PTPRG: variants seen among roughly 807,000 people sequenced by gnomAD.
PTPRG encodes the protein receptor-type tyrosine-protein phosphatase gamma.
A neutral mutation model predicts 165.3 loss-of-function variants in PTPRG; 102 were observed. The observed-to-expected ratio is 0.62, with a 90% confidence interval of 0.53 to 0.73. The LOEUF is 0.73. Ranked by LOEUF, PTPRG falls within the 30% of genes least tolerant of loss-of-function variation. The pLI is 0.00. For missense variants in PTPRG, 1,866 were observed against 1,861.4 expected (o/e 1.00, Z -0.05); for synonymous variants, 675 against 669.5 (o/e 1.01, Z -0.13).
rs201420862 is a variant in PTPRG, at chr3:61,858,847, GA to G, written c.190+109866del. On this transcript the variant is annotated intron_variant, in intron 2 of 29. Coordinates refer to ENST00000474889, the MANE Select transcript of PTPRG (RefSeq NM_002841.4). ...TTAAAGATTATAACCATGGTGCTTA[GA>G]GCTAGCATAAGAGACTAGTTTATTA... 3.2e-3 allele frequency among the ~76,000 whole-genome samples: 485 copies of G among 152,262 alleles called. 1 individual carries two copies. Among genetic ancestry groups the G allele is most frequent in the African/African-American group, 0.011 (456 of 41,566 alleles).
chr3:62,083,696 C>A (rs1345825372), intron 5 of PTPRG, among the ~76,000 whole-genome samples: 1 of 152,136 alleles, frequency 6.6e-6, no homozygotes, highest in African/African-American at 2.4e-5. Context: ...TAGTCCTGTT[C>A]TTTTGAGGCC....
intron 1 of PTPRG, among the ~76,000 whole-genome samples, chr3:61,632,616 A>G (rs1489123862): frequency 6.6e-6 from 1 of 152,192 alleles, no homozygotes; most frequent in African/African-American, 2.4e-5. Flanking sequence ...CAAGTACATC[A>G]TCTGCTAGTT....
At chr3:62,105,016 A>G (rs1050666031) in intron 5 of PTPRG, among the ~76,000 whole-genome samples, 1 of 152,200 alleles carries the variant, frequency 6.6e-6, no homozygotes, top group African/African-American at 2.4e-5. Flanking sequence ...TTATTATACA[A>G]TAAAGAAATC....
At chr3:61,763,722 T>C (rs989722029) in intron 2 of PTPRG, among the ~76,000 whole-genome samples, 12 of 152,076 alleles carry the variant, frequency 7.9e-5, no homozygotes, top group Non-Finnish European at 1.5e-4. Context: ...TAAAGGAAAA[T>C]GTTCTAGGAA....
chr3:61,648,098 G>C (rs771677759), intron 1 of PTPRG, among the ~76,000 whole-genome samples: 1 of 152,170 alleles, frequency 6.6e-6, no homozygotes, highest in Non-Finnish European at 1.5e-5. Context: ...GATTAAACCA[G>C]TCCTATGCAT....
chr3:62,218,930 A>T lies in PTPRG; in HGVS notation c.2235A>T (p.Ser745=), dbSNP rs1035737603. ...MEWIIPLIVV[S]ALTFVCLILL... ...GGATCATCCCTCTGATTGTGGTATC[A>T]GCCTTGACCTTCGTGTGCCTCATCC... Residue 745 remains serine (S), a synonymous_variant, in exon 13 of 30, where the codon TCA becomes TCT. Transcript: ENST00000474889. 6.2e-7 allele frequency: 1 copy of T among 1,614,032 alleles called. No individual in the cohort carries two copies. The highest frequency in any genetic ancestry group is 8.5e-7 in the Non-Finnish European group (1 of 1,180,012).
intron 2 of PTPRG, among the ~76,000 whole-genome samples, chr3:61,934,536 C>T (rs1167482463): frequency 1.3e-5 from 2 of 152,056 alleles, no homozygotes; most frequent in Admixed American, 1.3e-4. Context: ...TGAGTTGATC[C>T]TGACTACGCC....
At chr3:61,836,008 C>A (rs1056688701) in intron 2 of PTPRG, among the ~76,000 whole-genome samples, 3 of 151,432 alleles carry the variant, frequency 2.0e-5, no homozygotes, top group Admixed American at 6.6e-5. Context: ...CCATTGCACT[C>A]CAGCCTGGGC....
chr3:62,294,691 G>A lies in PTPRG; in HGVS notation c.*1384G>A, dbSNP rs1703005256. On this transcript the variant is annotated 3_prime_UTR_variant, in exon 30 of 30. Coordinates refer to ENST00000474889, the MANE Select transcript of PTPRG (RefSeq NM_002841.4). Reference sequence around the variant, plus strand: ...TCAGTAGTGTTTGTAAGGAAAATAAGCTACTTACTGAGATCTGTTTCTTCT... The same window carrying A: ...TCAGTAGTGTTTGTAAGGAAAATAAACTACTTACTGAGATCTGTTTCTTCT... The A allele has an allele frequency of 6.6e-6, 1 of 152,108 alleles. No individual in the cohort carries two copies. Among genetic ancestry groups the A allele is most frequent in the Non-Finnish European group, 1.5e-5 (1 of 68,008 alleles). 9.4% of individuals were successfully genotyped at this position (152,108 alleles called of 1,614,324 possible). A position where few individuals can be genotyped will look rare whatever the true frequency, so the allele number is the denominator to read the frequency against.
At position 62,222,814 on chromosome 3, in the gene PTPRG, G is replaced by T. The variant is rs1258717881; in HGVS notation, c.2288+3831G>T. Among the ~76,000 whole-genome samples, 1 of 152,132 alleles carries T rather than the reference G, an allele frequency of 6.6e-6. No homozygotes were observed. The highest frequency in any genetic ancestry group is 1.5e-5 in the Non-Finnish European group (1 of 68,018). On this transcript the variant is annotated intron_variant, in intron 13 of 29. Coordinates refer to ENST00000474889, the MANE Select transcript of PTPRG (RefSeq NM_002841.4). This position sits in a 1 kb window ranked among gnomAD's most constrained non-coding sequence, Gnocchi z 4.5. Reference sequence around the variant, plus strand: ...TACAGAGTTCCTGCCATGCATCCTGGTGGGCCTAGAGATTTAGAGATCAGG... The same window carrying T: ...TACAGAGTTCCTGCCATGCATCCTGTTGGGCCTAGAGATTTAGAGATCAGG...
At chr3:61,987,665 G>T (rs1015317717) in intron 2 of PTPRG, among the ~76,000 whole-genome samples, 1 of 151,560 alleles carries the variant, frequency 6.6e-6, no homozygotes, top group African/African-American at 2.4e-5. Context: ...AAAACATTTA[G>T]ATTCCATAAT....
intron 1 of PTPRG, among the ~76,000 whole-genome samples, chr3:61,699,743 A>C (rs974148167): frequency 6.6e-6 from 1 of 152,212 alleles, no homozygotes; most frequent in African/African-American, 2.4e-5. Context: ...GTGGAGAAAC[A>C]AAAGCCAGGA....
chr3:61,845,654 C>G lies in PTPRG; in HGVS notation c.190+96672C>G, dbSNP rs147604184. On this transcript the variant is annotated intron_variant, in intron 2 of 29. Coordinates refer to ENST00000474889, the MANE Select transcript of PTPRG (RefSeq NM_002841.4). ...TTGTGGAAGATGAAAAAAGGAAGCT[C>G]TCTTTGGTTCTCTGTTACACGGGGT... Among the ~76,000 whole-genome samples the G allele has an allele frequency of 2.8e-3, 428 of 152,304 alleles. 1 individual carries two copies. The highest frequency in any genetic ancestry group is 4.7e-3 in the Non-Finnish European group (321 of 68,022).
intron 12 of PTPRG, among the ~76,000 whole-genome samples, chr3:62,211,488 A>G (rs1700357031): frequency 6.6e-6 from 1 of 152,208 alleles, no homozygotes; most frequent in Non-Finnish European, 1.5e-5. Flanking sequence ...AATGGTTAAG[A>G]TGGTAAATTT....
At chr3:61,596,668 T>G (rs1339793318) in intron 1 of PTPRG, among the ~76,000 whole-genome samples, 1 of 152,322 alleles carries the variant, frequency 6.6e-6, no homozygotes, top group East Asian at 1.9e-4. Context: ...GAAGTGAGTT[T>G]GAACCCAGGT....
Position 61,690,907 on chromosome 3 carries a change from T to G in PTPRG, c.86-57971T>G, listed in dbSNP as rs945614543. Among the ~76,000 whole-genome samples, 5 of 152,186 alleles carry G rather than the reference T, an allele frequency of 3.3e-5. No individual in the cohort carries two copies. The South Asian group carries it at 1.0e-3, about 31-fold the overall frequency. On this transcript the variant is annotated intron_variant, in intron 1 of 29. Transcript: ENST00000474889. ...CTTCCTTGAAAGGTACATTACTGTT[T>G]CTTTTACATCTCTGAGATGAGACTG... is the stretch of plus-strand genomic sequence containing the variant.
intron 1 of PTPRG, among the ~76,000 whole-genome samples, chr3:61,700,433 C>T (rs1157516765): frequency 6.6e-6 from 1 of 152,166 alleles, no homozygotes; most frequent in Admixed American, 6.5e-5. Flanking sequence ...CAGCACAGTA[C>T]TAAAAGCTTG....
chr3:61,811,212 G>A, intron 2 of PTPRG, among the ~76,000 whole-genome samples: 1 of 152,144 alleles, frequency 6.6e-6, no homozygotes, highest in Admixed American at 6.5e-5. Flanking sequence ...TAGAGTGCTT[G>A]AATGTGCTTG....
intron 1 of PTPRG, among the ~76,000 whole-genome samples, chr3:61,648,438 T>C (rs1702264045): frequency 6.6e-6 from 1 of 152,220 alleles, no homozygotes; most frequent in East Asian, 1.9e-4. Context: ...CCTACCAGGC[T>C]ACACATTTTC....
Sources: gnomAD v4.1 joint callset for allele counts (sites outside exome capture counted in the v4.1 genomes callset) on GRCh38, gnomAD v4.1.1 for gene constraint, Gnocchi (gnomAD v3.1) non-coding constraint, MANE v1.5 for transcripts, NCBI Gene and HGNC (gene_info 2026-07-23, HGNC 2026-07-21) for gene names.